The following KLHL26 variants were observed in gnomAD, a reference collection of about 807,000 sequenced individuals.
The protein encoded by KLHL26 is kelch-like protein 26.
A neutral mutation model predicts 7.1 loss-of-function variants in KLHL26; 4 were observed. The observed-to-expected ratio is 0.56, with a 90% CI of 0.28 to 1.28. The LOEUF (loss-of-function observed/expected upper bound fraction) is 1.28. KLHL26 is among the 50% of genes most tolerant of loss of function. The pLI, the probability that KLHL26 is intolerant of heterozygous loss-of-function variation, is 0.11. For synonymous variants in KLHL26, 465 were observed against 414.1 expected, an observed-to-expected ratio of 1.12 and a Z score of -1.49; for missense variants, 896 against 924.6, an observed-to-expected ratio of 0.97 and a Z score of 0.40.
rs1219478303 is a variant in KLHL26, at chr19:18,650,027, C to T, written c.83+12890C>T. Among the ~76,000 whole-genome samples the T allele has an allele frequency of 6.6e-6, 1 of 152,206 alleles. No individual in the cohort carries two copies. The highest frequency in any genetic ancestry group is 2.4e-5 in the African/African-American group (1 of 41,448). ...GAATCACAGACCTTTCCTGCGAGGG[C>T]AAGGGCTTCCGGAATTGAACAGGCT... On this transcript the variant is annotated intron_variant, in intron 1 of 2. Coordinates refer to ENST00000300976, the MANE Select transcript of KLHL26 (RefSeq NM_018316.3). This position sits in a 1 kb window ranked among gnomAD's most constrained non-coding sequence, Gnocchi z 4.2.
In KLHL26 at chr19:18,656,793, G is replaced by C. The variant is rs2052339065; in HGVS notation, c.84-7468G>C. Among the ~76,000 whole-genome samples, 2 of 152,196 alleles carry C rather than the reference G, an allele frequency of 1.3e-5. No individual in the cohort carries two copies. Among genetic ancestry groups the C allele is most frequent in the Non-Finnish European group, 2.9e-5 (2 of 68,018 alleles). The stretch of plus-strand genomic sequence containing the variant: ...CCTGCCTGGCCTGCCCAGCACGCCT[G>C]CCCTCCCAGCACAGGGCGGGAGTGG... On this transcript the variant is annotated intron_variant, in intron 1 of 2. Coordinates refer to ENST00000300976, the MANE Select transcript of KLHL26 (RefSeq NM_018316.3). The surrounding 1 kb of genome is among the most constrained non-coding windows in gnomAD (Gnocchi z 4.4).
chr19:18,658,138 CTGGGCCGCGG>C (rs1020516323), intron 1 of KLHL26, among the ~76,000 whole-genome samples: 2 of 152,172 alleles, frequency 1.3e-5, no homozygotes, highest in African/African-American at 4.8e-5. Flanking sequence ...CAGGGGCACG[CTGGGCCGCGG>C]TGTTCCCATC....
intron 1 of KLHL26, among the ~76,000 whole-genome samples, chr19:18,661,137 T>C (rs1034312059): frequency 5.3e-5 from 8 of 152,128 alleles, no homozygotes; most frequent in African/African-American, 1.9e-4. Context: ...GCTTTGTAGC[T>C]GAGGCCTGGG....
At chr19:18,640,050 C>T (rs984826529) in intron 1 of KLHL26, among the ~76,000 whole-genome samples, 9 of 150,928 alleles carry the variant, frequency 6.0e-5, no homozygotes, top group African/African-American at 1.9e-4. Flanking sequence ...CATACAATCT[C>T]GTATGGACGG....
chr19:18,642,338 AGTGTGTGTGTGT>A (rs1204260630), intron 1 of KLHL26, among the ~76,000 whole-genome samples: 182 of 123,886 alleles, frequency 1.5e-3, no homozygotes, highest in Middle Eastern at 4.0e-3. Flanking sequence ...CTAGTCACCT[AGTGTGTGTGTGT>A]GTGTGTGTGT....
chr19:18,649,122 G>A lies in KLHL26; in HGVS notation c.83+11985G>A, dbSNP rs1044999663. 1.3e-5 allele frequency among the ~76,000 whole-genome samples: 2 copies of A among 152,122 alleles called. No homozygotes were observed. The highest frequency in any genetic ancestry group is 2.4e-5 in the African/African-American group (1 of 41,422). On this transcript the variant is annotated intron_variant, in intron 1 of 2. Transcript: ENST00000300976. The surrounding 1 kb of genome is among the most constrained non-coding windows in gnomAD (Gnocchi z 4.0). ...TGCACGGCTCAAGTGTTGTCTCCTC[G>A]GGGCCTGGCCACTGTGTCCACCGTG... is the stretch of plus-strand genomic sequence containing the variant.
intron 1 of KLHL26, among the ~76,000 whole-genome samples, chr19:18,641,219 C>G (rs1323446570): frequency 6.6e-6 from 1 of 151,638 alleles, no homozygotes; most frequent in East Asian, 1.9e-4. Flanking sequence ...TCTCTAATAA[C>G]TAATGATGTT....
rs1451865868 is a variant in KLHL26, at chr19:18,656,528, C to CA, written c.84-7732dup. On this transcript the variant is annotated intron_variant, in intron 1 of 2. Coordinates refer to ENST00000300976, the MANE Select transcript of KLHL26 (RefSeq NM_018316.3). The surrounding 1 kb of genome is among the most constrained non-coding windows in gnomAD (Gnocchi z 4.4). ...TCATTCTGTCCCCACCCAGCAGGCA[C>CA]AGACAGGCTGAAGCCAAGGACAGAC... 2.0e-5 allele frequency among the ~76,000 whole-genome samples: 3 copies of CA among 152,278 alleles called. No homozygotes were observed. The East Asian group carries it at 5.8e-4, about 29-fold the overall frequency.
At chr19:18,640,360 C>T (rs549493232) in intron 1 of KLHL26, among the ~76,000 whole-genome samples, 1 of 151,958 alleles carries the variant, frequency 6.6e-6, no homozygotes, top group African/African-American at 2.4e-5. Flanking sequence ...CTCAGCCTTC[C>T]AAGTAGCTGG....
chr19:18,669,648 A>C lies in KLHL26; in HGVS notation c.*403A>C. 2.8e-6 allele frequency: 1 copy of C among 360,984 alleles called. No individual in the cohort carries two copies. Among genetic ancestry groups the C allele is most frequent in the Non-Finnish European group, 5.0e-6 (1 of 199,736 alleles). 22.4% of individuals were successfully genotyped at this position (360,984 alleles called of 1,614,324 possible). ...TCAGATGTGAGCTCATCAACATTGAACCCAAAGTCGGTGGTATATGACTCA... is the reference window on the plus strand; with the variant it reads ...TCAGATGTGAGCTCATCAACATTGACCCCAAAGTCGGTGGTATATGACTCA... On this transcript the variant is annotated 3_prime_UTR_variant, in exon 3 of 3. Transcript: ENST00000300976.
chr19:18,639,634 T>G (rs1374365950), intron 1 of KLHL26, among the ~76,000 whole-genome samples: 2 of 151,884 alleles, frequency 1.3e-5, no homozygotes, highest in Non-Finnish European at 2.9e-5. Context: ...GATCTTGAAC[T>G]GCTGACCTCA....
chr19:18,664,395 C>A lies in KLHL26; in HGVS notation c.218C>A (p.Ala73Asp), dbSNP rs1306330415. 1.2e-6 allele frequency: 2 copies of A among 1,605,708 alleles called. No homozygotes were observed. Among genetic ancestry groups the A allele is most frequent in the East Asian group, 2.2e-5 (1 of 44,728 alleles). ...LDVVLTINRE[A>D]FPAHKVVLAA... ...GTTGTGCTGACTATTAACAGAGAGG[C>A]CTTTCCTGCACACAAGGTCGTCCTG... The change falls in exon 2 of 3, where the codon GCC becomes GAC. Residue 73 changes from alanine (A) to aspartate (D), a missense_variant. By Grantham distance (126) the Ala-to-Asp change is moderately radical. Transcript: ENST00000300976.
rs1483392150 is a variant in KLHL26, at chr19:18,667,773, G to A, written c.376G>A (p.Val126Met). 2 of 1,613,308 alleles carry A rather than the reference G, an allele frequency of 1.2e-6. No individual in the cohort carries two copies. Among genetic ancestry groups the A allele is most frequent in the African/African-American group, 2.7e-5 (2 of 74,956 alleles). Residue 126 changes from valine (V) to methionine (M), a missense_variant, in exon 3 of 3, where the codon GTG becomes ATG. By Grantham distance (21) the Val-to-Met change is conservative. Transcript: ENST00000300976. Reference sequence around the variant, plus strand: ...CATCGACTTCGCCTACAGCGCCGAGGTGACACTGGACCTGGACTGCGTGCA... The same window carrying A: ...CATCGACTTCGCCTACAGCGCCGAGATGACACTGGACCTGGACTGCGTGCA... ...HIIDFAYSAEVTLDLDCVQDV... is the reference protein window; with the variant it reads ...HIIDFAYSAEMTLDLDCVQDV...
Position 18,668,801 on chromosome 19 carries a change from C to T in KLHL26, c.1404C>T (p.Tyr468=), listed in dbSNP as rs778358016. The change falls in exon 3 of 3, where the codon TAC becomes TAT. Residue 468 remains tyrosine (Y), a synonymous_variant. Coordinates refer to ENST00000300976, the MANE Select transcript of KLHL26 (RefSeq NM_018316.3). ...GCCGCCTCTACATCTCGGGTGGCTA[C>T]GGGATCTCAGTGGAGGACAAGAAGG... ...SGGRLYISGG[Y]GISVEDKKAL... 13 of 1,595,972 alleles carry T rather than the reference C, an allele frequency of 8.1e-6. No homozygotes were observed. The highest frequency in any genetic ancestry group is 6.7e-5 in the East Asian group (3 of 44,826).
chr19:18,669,087 GTCGGGGGCTAC>G lies in KLHL26; in HGVS notation c.1691_1701del (p.Val564GlufsTer59). ...CCTGCTGGAGAGGAAGATCTACATCGTCGGGGGCTACAACTGGCGTCTCAACAACGTCACGG... is the reference window on the plus strand; with the variant it reads ...CCTGCTGGAGAGGAAGATCTACATCGAACTGGCGTCTCAACAACGTCACGG... On this transcript the variant is annotated frameshift_variant, in exon 3 of 3. Coordinates refer to ENST00000300976, the MANE Select transcript of KLHL26 (RefSeq NM_018316.3). LOFTEE classifies it high-confidence loss of function. The G allele has an allele frequency of 6.2e-7, 1 of 1,612,920 alleles. No individual in the cohort carries two copies. Among genetic ancestry groups the G allele is most frequent in the Non-Finnish European group, 8.5e-7 (1 of 1,179,962 alleles).
At chr19:18,643,352 A>G in intron 1 of KLHL26, among the ~76,000 whole-genome samples, 1 of 150,060 alleles carries the variant, frequency 6.7e-6, no homozygotes, top group African/African-American at 2.4e-5. Context: ...GGCTGAGGCA[A>G]GAGAATCACT....
At chr19:18,667,494 G>T in intron 2 of KLHL26, 170 bp from the exon 3 acceptor site, 13 of 1,206,582 alleles carry the variant, frequency 1.1e-5, no homozygotes, top group Non-Finnish European at 1.3e-5. Flanking sequence ...ATGAGCCACC[G>T]CGCCCGGCCC....
chr19:18,665,351 C>T (rs2052437492), intron 2 of KLHL26, among the ~76,000 whole-genome samples: 1 of 152,222 alleles, frequency 6.6e-6, no homozygotes, highest in African/African-American at 2.4e-5. Context: ...CCACTGCGCC[C>T]AGCCCAATCT....
chr19:18,663,012 A>G (rs2052407064), intron 1 of KLHL26, among the ~76,000 whole-genome samples: 1 of 152,070 alleles, frequency 6.6e-6, no homozygotes, highest in Non-Finnish European at 1.5e-5. Flanking sequence ...GGCAAACACC[A>G]GGTCTGGGCT....
Sources: gnomAD v4.1 joint callset for allele counts (sites outside exome capture counted in the v4.1 genomes callset) on GRCh38, gnomAD v4.1.1 for gene constraint, Gnocchi (gnomAD v3.1) non-coding constraint, MANE v1.5 for transcripts, NCBI Gene and HGNC (gene_info 2026-07-23, HGNC 2026-07-21) for gene names.